Variants in UBR2 observed in about 807,000 individuals in gnomAD.
UBR2 encodes ubiquitin protein ligase E3 component n-recognin 2.
A neutral mutation model predicts 247.9 loss-of-function variants in UBR2; 92 were observed. The ratio of observed to expected loss-of-function variants is 0.37; its 90% confidence interval spans 0.31 to 0.44. The LOEUF (loss-of-function observed/expected upper bound fraction) is 0.44. UBR2 is among the 20% of genes least tolerant of loss of function. UBR2 has a pLI of 1.00. For synonymous variants in UBR2, 672 were observed against 693.5 expected (o/e 0.97, Z 0.49); for missense variants, 1,613 against 2,112.6 (o/e 0.76, Z 4.64).
At chr6:42,614,160 G>A (rs1794268112) in intron 8 of UBR2, among the ~76,000 whole-genome samples, 4 of 120,660 alleles carry the variant, frequency 3.3e-5, no homozygotes, top group African/African-American at 3.2e-5. Flanking sequence ...CTGGGTGACA[G>A]AGTAAGACTC....
intron 8 of UBR2, among the ~76,000 whole-genome samples, 161 bp from the exon 9 acceptor site, chr6:42,614,910 T>G (rs1324577973): frequency 6.6e-6 from 1 of 152,244 alleles, no homozygotes; most frequent in Non-Finnish European, 1.5e-5. Context: ...TCCTTTTTGT[T>G]AAAATATTAA....
chr6:42,576,522 C>CTTTTT (rs58739895), intron 2 of UBR2, among the ~76,000 whole-genome samples: 87 of 86,076 alleles, frequency 1.0e-3, no homozygotes, highest in East Asian at 1.3e-3. Flanking sequence ...GCCTTTCCCT[C>CTTTTT]TTTTTTTTTT....
At chr6:42,577,478 A>G (rs921142527) in intron 2 of UBR2, among the ~76,000 whole-genome samples, 16 of 151,294 alleles carry the variant, frequency 1.1e-4, no homozygotes, top group African/African-American at 3.7e-4. Flanking sequence ...TGTGTACTCT[A>G]TTAGGAAAAG....
chr6:42,568,773 A>G (rs983015839), intron 1 of UBR2, among the ~76,000 whole-genome samples: 3 of 152,182 alleles, frequency 2.0e-5, no homozygotes, highest in African/African-American at 7.2e-5. Context: ...ATGTTGTACC[A>G]TGTACAGGTT....
intron 2 of UBR2, among the ~76,000 whole-genome samples, chr6:42,586,906 C>T (rs1000542021): frequency 2.7e-5 from 4 of 150,198 alleles, no homozygotes; most frequent in East Asian, 2.0e-4. Context: ...ACTGCAACCT[C>T]GCCTCCCAGA....
At chr6:42,652,468 A>G in intron 24 of UBR2, 23 bp from the exon 25 acceptor site, 1 of 1,579,770 alleles carries the variant, frequency 6.3e-7, no homozygotes, top group Non-Finnish European at 8.6e-7. Flanking sequence ...AAAAGAAACC[A>G]ATAATAACAA....
chr6:42,647,861 CT>C (rs1212078522), intron 21 of UBR2, among the ~76,000 whole-genome samples: 1 of 152,022 alleles, frequency 6.6e-6, no homozygotes, highest in East Asian at 1.9e-4. Context: ...ATGGCAGTGA[CT>C]TTTTAAAAAT....
At chr6:42,663,559 C>T (rs1797942392) in intron 32 of UBR2, 140 bp downstream of exon 32, 2 of 878,286 alleles carry the variant, frequency 2.3e-6, no homozygotes, top group Admixed American at 7.1e-5. Context: ...TCATTTTCTT[C>T]TAGCAGACCT....
At chr6:42,630,837 G>A (rs985072224) in intron 11 of UBR2, among the ~76,000 whole-genome samples, 24 of 151,460 alleles carry the variant, frequency 1.6e-4, no homozygotes, top group African/African-American at 5.8e-4. Context: ...TTTAAGACAG[G>A]GTCTCACTCT....
At chr6:42,676,299 AGGC>A in intron 39 of UBR2, 108 bp downstream of exon 39, 1 of 1,251,380 alleles carries the variant, frequency 8.0e-7, no homozygotes, top group South Asian at 2.0e-5. Context: ...CACATGAATA[AGGC>A]TGTTTTTTTC....
At chr6:42,656,675 C>T (rs907682775) in intron 26 of UBR2, among the ~76,000 whole-genome samples, 2 of 152,164 alleles carry the variant, frequency 1.3e-5, no homozygotes, top group African/African-American at 4.8e-5. Context: ...ATTATACTAC[C>T]AGGGGACAAG....
At chr6:42,690,965 A>G in intron 46 of UBR2, 67 bp from the exon 47 acceptor site, 1 of 1,572,930 alleles carries the variant, frequency 6.4e-7, no homozygotes, top group Non-Finnish European at 8.6e-7. Flanking sequence ...CTAAATCAGG[A>G]AGGGTTGGGT....
Position 42,689,719 on chromosome 6 carries a change from CGTATG to C in UBR2, c.5126+50_5126+54del, listed in dbSNP as rs1562410901. 5 of 1,528,986 alleles carry C rather than the reference CGTATG, an allele frequency of 3.3e-6. No individual in the cohort carries two copies. The highest frequency in any genetic ancestry group is 4.5e-6 in the Non-Finnish European group (5 of 1,103,306). The allele number at this position is 1,528,986 out of a possible 1,614,324, so 94.7% of individuals were successfully genotyped here. On this transcript the variant is annotated intron_variant, in intron 46 of 46. Transcript: ENST00000372901. This position sits in a 1 kb window ranked among gnomAD's most constrained non-coding sequence, Gnocchi z 4.0. ...TAACTCAGGGCCTGCAGCGCCCTTC[CGTATG>C]TGGTGACGTCCTGAGGGTGGAGGGC...
intron 2 of UBR2, among the ~76,000 whole-genome samples, chr6:42,580,651 T>G (rs904837073): frequency 4.6e-5 from 7 of 152,210 alleles, no homozygotes; most frequent in African/African-American, 1.7e-4. Context: ...GCGATTCTCC[T>G]GCTTCAGCCT....
chr6:42,613,087 T>A (rs1274785649), intron 8 of UBR2, among the ~76,000 whole-genome samples: 1 of 151,240 alleles, frequency 6.6e-6, no homozygotes, highest in Non-Finnish European at 1.5e-5. Flanking sequence ...GGCAAAAGAG[T>A]GAAACTCTGT....
intron 40 of UBR2, among the ~76,000 whole-genome samples, chr6:42,677,259 G>A (rs551184715): frequency 2.6e-5 from 4 of 152,276 alleles, no homozygotes; most frequent in Non-Finnish European, 4.4e-5. Context: ...GTAATATTCA[G>A]TAGTAGCAGG....
At chr6:42,626,820 A>G (rs1285833646) in intron 11 of UBR2, among the ~76,000 whole-genome samples, 1 of 152,132 alleles carries the variant, frequency 6.6e-6, no homozygotes, top group African/African-American at 2.4e-5. Context: ...AGAACGTTGA[A>G]CTCAGTTCCC....
intron 29 of UBR2, among the ~76,000 whole-genome samples, 169 bp downstream of exon 29, chr6:42,658,993 A>G (rs1797610800): frequency 6.6e-6 from 1 of 152,120 alleles, no homozygotes; most frequent in Non-Finnish European, 1.5e-5. Flanking sequence ...AAGTCTCTGA[A>G]TGTAGGTATG....
intron 15 of UBR2, 119 bp downstream of exon 15, chr6:42,637,313 C>T (rs1455268436): frequency 2.7e-6 from 3 of 1,114,088 alleles, no homozygotes; most frequent in Non-Finnish European, 3.8e-6. Flanking sequence ...ACATCATTAA[C>T]TTATCCAATC....
Sources: allele counts gnomAD v4.1 joint callset (sites outside exome capture counted in the v4.1 genomes callset), GRCh38; gene constraint gnomAD v4.1.1; non-coding constraint Gnocchi (gnomAD v3.1); transcripts MANE v1.5; gene names NCBI Gene and HGNC (gene_info 2026-07-23, HGNC 2026-07-21).